The following COPS8 variants were observed in gnomAD, a reference collection of about 807,000 sequenced individuals.
COPS8 encodes COP9 signalosome complex subunit 8.
Under a neutral mutation model 31.5 loss-of-function variants are expected in COPS8, and 11 were observed. The observed-to-expected ratio is 0.35, with a 90% CI of 0.22 to 0.58. The LOEUF is 0.58. Ranked by LOEUF, COPS8 falls within the 20% of genes least tolerant of loss-of-function variation. The pLI, the probability that COPS8 is intolerant of heterozygous loss-of-function variation, is 0.83. For synonymous variants in COPS8, 81 were observed against 89.3 expected (o/e 0.91, Z 0.52); for missense variants, 215 against 255.1 (o/e 0.84, Z 1.07).
chr2:237,092,373 C>A (rs946208846), intron 4 of COPS8, among the ~76,000 whole-genome samples: 3 of 152,124 alleles, frequency 2.0e-5, no homozygotes, highest in African/African-American at 7.2e-5. Flanking sequence ...CTTTCCTTTT[C>A]CAGTGATATC....
In COPS8 at chr2:237,091,268, A is replaced by G. The variant is rs545288951; in HGVS notation, c.331+1274A>G. Among the ~76,000 whole-genome samples, 15 of 152,310 alleles carry G rather than the reference A, an allele frequency of 9.8e-5. No individual in the cohort carries two copies. In the East Asian group the frequency reaches 1.5e-3, roughly 16 times the overall value. On this transcript the variant is annotated intron_variant, in intron 4 of 7. Coordinates refer to ENST00000354371, the MANE Select transcript of COPS8 (RefSeq NM_006710.5). The stretch of plus-strand genomic sequence containing the variant: ...ATATAGCGTACCATGCGGGAGTTTA[A>G]GCTCTGGGTCCTTGCTTCCGGAGTT...
At chr2:237,097,556 T>C (rs185500850) in intron 7 of COPS8, 107 bp from the exon 8 acceptor site, 1 of 714,028 alleles carries the variant, frequency 1.4e-6, no homozygotes. Flanking sequence ...TCTAAGAAAG[T>C]TAACTTACTG....
intron 5 of COPS8, among the ~76,000 whole-genome samples, chr2:237,094,808 T>G (rs1696768105): frequency 6.6e-6 from 1 of 151,868 alleles, no homozygotes; most frequent in African/African-American, 2.4e-5. Flanking sequence ...CTACTAAAAA[T>G]ACAAAAAATT....
chr2:237,095,615 A>G (rs1696785938), intron 5 of COPS8, among the ~76,000 whole-genome samples: 1 of 152,216 alleles, frequency 6.6e-6, no homozygotes, highest in African/African-American at 2.4e-5. Context: ...AACCTAATAG[A>G]GTAAAATGAG....
intron 5 of COPS8, among the ~76,000 whole-genome samples, chr2:237,094,537 A>G (rs1292282342): frequency 6.6e-6 from 1 of 152,024 alleles, no homozygotes; most frequent in East Asian, 1.9e-4. Context: ...TTTCCCTGCC[A>G]TTTCTGACCC....
Position 237,097,915 on chromosome 2 carries a change from G to C in COPS8, c.*173G>C. 2.0e-6 allele frequency: 1 copy of C among 492,258 alleles called. No individual in the cohort carries two copies. Among genetic ancestry groups the C allele is most frequent in the Non-Finnish European group, 3.6e-6 (1 of 277,144 alleles). 30.5% of individuals were successfully genotyped at this position (492,258 alleles called of 1,614,324 possible). ...TACTATATACATTTTGTCCATAAAC[G>C]TTATGCTGAATAGTTGTTGAAACAG... On this transcript the variant is annotated 3_prime_UTR_variant, in exon 8 of 8. Transcript: ENST00000354371.
intron 4 of COPS8, 51 bp from the exon 5 acceptor site, chr2:237,094,039 A>C (rs779368853): frequency 6.3e-7 from 1 of 1,592,864 alleles, no homozygotes; most frequent in South Asian, 1.1e-5. Flanking sequence ...ATGTGCTTTG[A>C]AAATGCTGCT....
chr2:237,090,278 C>G lies in COPS8; in HGVS notation c.331+284C>G, dbSNP rs529027080. 5.9e-5 allele frequency among the ~76,000 whole-genome samples: 9 copies of G among 152,158 alleles called. No individual in the cohort carries two copies. The South Asian group carries it at 1.9e-3, about 32-fold the overall frequency. ...TATTAAAACGAGATCTTGTAATATTCTAATAAGTTTAAGGTATGGGTTTGT... is the reference window on the plus strand; with the variant it reads ...TATTAAAACGAGATCTTGTAATATTGTAATAAGTTTAAGGTATGGGTTTGT... On this transcript the variant is annotated intron_variant, in intron 4 of 7. Coordinates refer to ENST00000354371, the MANE Select transcript of COPS8 (RefSeq NM_006710.5).
chr2:237,086,798 TA>T, intron 1 of COPS8: 1 of 888,164 alleles, frequency 1.1e-6, no homozygotes, highest in Non-Finnish European at 1.4e-6. Context: ...CTTATAATAG[TA>T]AGATCATTTA....
In COPS8 at chr2:237,093,994, T is replaced by C. The variant is rs1574838135; in HGVS notation, c.332-96T>C. On this transcript the variant is annotated intron_variant, in intron 4 of 7. Coordinates refer to ENST00000354371, the MANE Select transcript of COPS8 (RefSeq NM_006710.5). ...CTTTGGGTTCATCTGGCCTTGCTTA[T>C]GAAAACTAGACAAGGACAGTGGTGT... The C allele has an allele frequency of 1.4e-5, 21 of 1,511,778 alleles. No individual in the cohort carries two copies. The East Asian group carries it at 4.9e-4, about 35-fold the overall frequency. The allele number at this position is 1,511,778 out of a possible 1,614,324, so 93.6% of individuals were successfully genotyped here. A position where few individuals can be genotyped will look rare whatever the true frequency, so the allele number is the denominator to read the frequency against.
rs1574840283 is a variant in COPS8, at chr2:237,098,377, TTA to T, written c.*636_*637del. ...GGCTTGCCATGAAAATGCAACTTATTTAAGACATTTATGAGACATATTAACTT... is the reference window on the plus strand; with the variant it reads ...GGCTTGCCATGAAAATGCAACTTATTAGACATTTATGAGACATATTAACTT... On this transcript the variant is annotated 3_prime_UTR_variant, in exon 8 of 8. Coordinates refer to ENST00000354371, the MANE Select transcript of COPS8 (RefSeq NM_006710.5). 1.3e-5 allele frequency: 2 copies of T among 152,350 alleles called. No individual in the cohort carries two copies. The highest frequency in any genetic ancestry group is 4.8e-5 in the African/African-American group (2 of 41,450). The allele number at this position is 152,350 out of a possible 1,614,324, so 9.4% of individuals were successfully genotyped here.
intron 7 of COPS8, among the ~76,000 whole-genome samples, chr2:237,097,132 C>G (rs537118412): frequency 6.6e-6 from 1 of 151,860 alleles, no homozygotes; most frequent in African/African-American, 2.4e-5. Context: ...CAGAGCTGTT[C>G]ACCAGTACTG....
intron 4 of COPS8, among the ~76,000 whole-genome samples, chr2:237,090,908 A>C (rs1456326831): frequency 6.6e-6 from 1 of 152,238 alleles, no homozygotes; most frequent in African/African-American, 2.4e-5. Context: ...GTGTGGAAGA[A>C]GATTGCACAG....
intron 4 of COPS8, chr2:237,093,832 C>G: frequency 8.9e-7 from 1 of 1,119,418 alleles, no homozygotes; most frequent in East Asian, 5.2e-5. Context: ...GTTTAGTAAC[C>G]TTTTTCCATC....
chr2:237,086,565 C>T (rs1357419757), intron 1 of COPS8, among the ~76,000 whole-genome samples: 3 of 152,008 alleles, frequency 2.0e-5, no homozygotes, highest in Non-Finnish European at 4.4e-5. Context: ...TAATGTTTTT[C>T]TTAGACACTT....
At chr2:237,093,684 G>C (rs756558445) in intron 4 of COPS8, 2 of 986,328 alleles carry the variant, frequency 2.0e-6, no homozygotes, top group Non-Finnish European at 2.4e-6. Flanking sequence ...TATTAGAGAC[G>C]TTTTTGAAAA....
rs1696850251 is a variant in COPS8, at chr2:237,099,010, A to AT, written c.*1269dup. ...GAGGATCAGGAGAGTGATCAAGAGAATGACAGTGCCAGTTTTTTTAACTTC... is the reference window on the plus strand; with the variant it reads ...GAGGATCAGGAGAGTGATCAAGAGAATTGACAGTGCCAGTTTTTTTAACTTC... On this transcript the variant is annotated 3_prime_UTR_variant, in exon 8 of 8. Coordinates refer to ENST00000354371, the MANE Select transcript of COPS8 (RefSeq NM_006710.5). 6.6e-6 allele frequency: 1 copy of AT among 152,178 alleles called. No homozygotes were observed. The highest frequency in any genetic ancestry group is 1.5e-5 in the Non-Finnish European group (1 of 68,026). 9.4% of individuals were successfully genotyped at this position (152,178 alleles called of 1,614,324 possible).
Position 237,098,771 on chromosome 2 carries a change from A to G in COPS8, c.*1029A>G, listed in dbSNP as rs908691832. The G allele has an allele frequency of 6.6e-6, 1 of 152,232 alleles. No individual in the cohort carries two copies. Among genetic ancestry groups the G allele is most frequent in the Non-Finnish European group, 1.5e-5 (1 of 68,026 alleles). The allele number at this position is 152,232 out of a possible 1,614,324, so 9.4% of individuals were successfully genotyped here. Reference sequence around the variant, plus strand: ...CACAATCTATTTTGTCATTGTGTCTATATGAATCTCTTAAGTAGAAATGAG... The same window carrying G: ...CACAATCTATTTTGTCATTGTGTCTGTATGAATCTCTTAAGTAGAAATGAG... On this transcript the variant is annotated 3_prime_UTR_variant, in exon 8 of 8. Coordinates refer to ENST00000354371, the MANE Select transcript of COPS8 (RefSeq NM_006710.5).
intron 2 of COPS8, among the ~76,000 whole-genome samples, chr2:237,087,733 C>T (rs1301763250): frequency 1.3e-5 from 2 of 152,126 alleles, no homozygotes; most frequent in East Asian, 3.9e-4. Context: ...AGTTTTGATA[C>T]CAGCCTGGGG....
Sources: gnomAD v4.1 joint callset for allele counts (sites outside exome capture counted in the v4.1 genomes callset) on GRCh38, gnomAD v4.1.1 for gene constraint, MANE v1.5 for transcripts, NCBI Gene and HGNC (gene_info 2026-07-23, HGNC 2026-07-21) for gene names.